The following UTRN variants were observed in gnomAD, a reference collection of about 807,000 sequenced individuals.
UTRN encodes the protein dystrophin-related protein 1.
UTRN carries 283 observed loss-of-function variants against 463.9 expected under a neutral mutation model. The ratio of observed to expected loss-of-function variants is 0.61; its 90% CI spans 0.55 to 0.67. The LOEUF (loss-of-function observed/expected upper bound fraction) is 0.67, where lower values mean the gene tolerates loss of function less well. UTRN is among the 30% of genes least tolerant of loss of function. The pLI, the probability that UTRN is intolerant of heterozygous loss-of-function variation, is 0.00. For synonymous variants in UTRN, 1,442 were observed against 1,431.5 expected (o/e 1.01, Z -0.17); for missense variants, 3,922 against 4,084.3 (o/e 0.96, Z 1.08).
intron 51 of UTRN, among the ~76,000 whole-genome samples, chr6:144,609,116 A>G (rs1296468005): frequency 6.6e-6 from 1 of 152,210 alleles, no homozygotes; most frequent in South Asian, 2.1e-4. Context: ...TAAAGAATAG[A>G]TTAAACTCTC....
chr6:144,679,874 A>G (rs1003146843), intron 52 of UTRN, among the ~76,000 whole-genome samples: 1 of 152,182 alleles, frequency 6.6e-6, no homozygotes, highest in Non-Finnish European at 1.5e-5. Flanking sequence ...GGAGCAATGC[A>G]GCATGGACAT....
At chr6:144,756,302 G>A (rs1791978323) in intron 57 of UTRN, among the ~76,000 whole-genome samples, 1 of 152,094 alleles carries the variant, frequency 6.6e-6, no homozygotes, top group Admixed American at 6.6e-5. Context: ...TTGATGAAAT[G>A]CTATACTTTC....
chr6:144,804,549 A>G lies in UTRN; in HGVS notation c.9357+1402A>G, dbSNP rs190758261. On this transcript the variant is annotated intron_variant, in intron 65 of 74. Transcript: ENST00000367545. ...TGTACAGAGGTGACTGGGTGTTTTC[A>G]GAAGGGAATAGACTGGGGAAACAAA... 2.2e-3 allele frequency among the ~76,000 whole-genome samples: 337 copies of G among 152,314 alleles called. 1 individual carries two copies. Among genetic ancestry groups the G allele is most frequent in the Non-Finnish European group, 3.1e-3 (210 of 68,030 alleles).
rs558097700 is a variant in UTRN, at chr6:144,631,319, G to C, written c.7480-47087G>C. Among the ~76,000 whole-genome samples the C allele has an allele frequency of 3.3e-5, 5 of 151,770 alleles. No individual in the cohort carries two copies. The East Asian group carries it at 7.7e-4, about 23-fold the overall frequency. ...TGGAACTATTCCTAAGTAACCTCCT[G>C]TCTGGCATTCACTAATTTCACCTGG... On this transcript the variant is annotated intron_variant, in intron 51 of 74. Coordinates refer to ENST00000367545, the MANE Select transcript of UTRN (RefSeq NM_007124.3).
chr6:144,848,316 A>G (rs1371627194), intron 74 of UTRN, among the ~76,000 whole-genome samples: 1 of 152,212 alleles, frequency 6.6e-6, no homozygotes, highest in Non-Finnish European at 1.5e-5. Flanking sequence ...GTTGCCCTCT[A>G]GGCATATTCA....
At chr6:144,746,272 G>A (rs1047896266) in intron 54 of UTRN, among the ~76,000 whole-genome samples, 10 of 151,922 alleles carry the variant, frequency 6.6e-5, no homozygotes, top group Admixed American at 2.0e-4. Flanking sequence ...CAAAGTGCAG[G>A]AATTACAGGC....
chr6:144,433,288 G>A (rs542073181), intron 9 of UTRN, among the ~76,000 whole-genome samples: 2,002 of 144,330 alleles, frequency 0.014, 38 homozygotes, highest in African/African-American at 0.048. Context: ...CTCACCTCCC[G>A]GACGGGGCGG....
intron 27 of UTRN, among the ~76,000 whole-genome samples, chr6:144,485,043 C>T (rs1311261223): frequency 6.6e-6 from 1 of 151,934 alleles, no homozygotes; most frequent in Non-Finnish European, 1.5e-5. Context: ...TCCAGAGTAG[C>T]TGGGACTACA....
Position 144,774,341 on chromosome 6 carries a change from G to A in UTRN, c.8609G>A (p.Arg2870Gln), listed in dbSNP as rs778043416. 1.1e-5 allele frequency: 17 copies of A among 1,600,238 alleles called. 1 individual carries two copies. In the Admixed American group the frequency reaches 1.4e-4, roughly 13 times the overall value. The change falls in exon 60 of 75, where the codon CGA becomes CAA. Residue 2870 changes from arginine (R) to glutamine (Q), a missense_variant. By Grantham distance (43) the Arg-to-Gln change is conservative. Coordinates refer to ENST00000367545, the MANE Select transcript of UTRN (RefSeq NM_007124.3). ...FSAYRTAIKI[R>Q]RLQKALCLDL... The stretch of plus-strand genomic sequence containing the variant: ...GCCTACCGTACAGCAATCAAAATCC[G>A]AAGACTACAAAAAGCACTATGTTGT...
chr6:144,339,407 T>C (rs555680715), intron 2 of UTRN, among the ~76,000 whole-genome samples: 1 of 152,280 alleles, frequency 6.6e-6, no homozygotes, highest in African/African-American at 2.4e-5. Context: ...AAGGGGGCAA[T>C]TGCAGAAATT....
intron 54 of UTRN, among the ~76,000 whole-genome samples, chr6:144,746,976 G>A (rs1216435321): frequency 6.6e-6 from 1 of 152,154 alleles, no homozygotes; most frequent in Admixed American, 6.6e-5. Flanking sequence ...GAAATTTAGA[G>A]AGACAAACAT....
chr6:144,809,508 AAAG>A (rs1455917771), intron 65 of UTRN, among the ~76,000 whole-genome samples: 4 of 152,276 alleles, frequency 2.6e-5, no homozygotes, highest in Non-Finnish European at 5.9e-5. Context: ...GATGATGGGG[AAAG>A]AAGAGGTTTA....
chr6:144,561,648 C>T (rs1018619326), intron 50 of UTRN, among the ~76,000 whole-genome samples: 1 of 152,044 alleles, frequency 6.6e-6, no homozygotes, highest in Non-Finnish European at 1.5e-5. Context: ...GTTAAAAGCC[C>T]ATCTTAGGCA....
At chr6:144,525,231 C>G (rs1294580744) in intron 41 of UTRN, among the ~76,000 whole-genome samples, 2 of 152,092 alleles carry the variant, frequency 1.3e-5, no homozygotes, top group African/African-American at 4.8e-5. Context: ...CCCTCTTTCT[C>G]TATCTTTTGG....
chr6:144,306,726 C>T (rs1805771555), intron 2 of UTRN, among the ~76,000 whole-genome samples: 1 of 151,850 alleles, frequency 6.6e-6, no homozygotes, highest in Non-Finnish European at 1.5e-5. Context: ...GAGTACTTTC[C>T]TGAGTCATTT....
intron 13 of UTRN, 33 bp from the exon 14 acceptor site, chr6:144,444,248 G>A (rs780304731): frequency 6.4e-6 from 10 of 1,551,624 alleles, no homozygotes; most frequent in Admixed American, 5.1e-5. Context: ...TCTTAAGGCT[G>A]TGTTGACAAA....
chr6:144,759,094 T>A (rs1023004278), intron 58 of UTRN, among the ~76,000 whole-genome samples: 1 of 152,102 alleles, frequency 6.6e-6, no homozygotes, highest in African/African-American at 2.4e-5. Flanking sequence ...AAAAACAGGT[T>A]TGCATAATAT....
chr6:144,419,338 A>T (rs572903090), intron 3 of UTRN, among the ~76,000 whole-genome samples: 1 of 152,326 alleles, frequency 6.6e-6, no homozygotes, highest in Non-Finnish European at 1.5e-5. Flanking sequence ...TGAAAAAGGC[A>T]GCTGGGAACA....
chr6:144,495,226 C>A (rs182744505), intron 33 of UTRN, among the ~76,000 whole-genome samples: 1 of 152,136 alleles, frequency 6.6e-6, no homozygotes, highest in Admixed American at 6.5e-5. Context: ...AGGCTCCGGC[C>A]GCACAGGAGC....
Sources: gnomAD v4.1 joint callset for allele counts (sites outside exome capture counted in the v4.1 genomes callset) on GRCh38, gnomAD v4.1.1 for gene constraint, MANE v1.5 for transcripts, NCBI Gene and HGNC (gene_info 2026-07-23, HGNC 2026-07-21) for gene names.